Variants in PTGES3L observed in about 807,000 individuals in gnomAD.
PTGES3L encodes the protein prostaglandin E synthase 3 like, also known as putative protein PTGES3L.
In PTGES3L, 17 loss-of-function variants were observed where a neutral mutation model predicts 25.0. The ratio of observed to expected loss-of-function variants is 0.68; its 90% CI spans 0.47 to 1.02. PTGES3L has a LOEUF of 1.02. Ranked by LOEUF, PTGES3L falls within the 50% of genes least tolerant of loss-of-function variation. The pLI, the probability that PTGES3L is intolerant of heterozygous loss-of-function variation, is 0.00. For missense variants in PTGES3L, 202 were observed against 197.5 expected, an observed-to-expected ratio of 1.02 and a Z score of -0.14; for synonymous variants, 59 against 65.7, an observed-to-expected ratio of 0.90 and a Z score of 0.50.
intron 4 of PTGES3L, among the ~76,000 whole-genome samples, chr17:42,973,594 C>T (rs1314763818): frequency 1.3e-5 from 2 of 151,298 alleles, no homozygotes; most frequent in Admixed American, 6.6e-5. Context: ...GGATGGTTGC[C>T]GTGTCTGTGT....
rs1229741495 is a variant in PTGES3L at position 42,968,869 on chromosome 17, A to G, written c.*279T>C. 2.5e-6 allele frequency: 1 copy of G among 400,722 alleles called. No individual in the cohort carries two copies. Among genetic ancestry groups the G allele is most frequent in the African/African-American group, 2.0e-5 (1 of 49,828 alleles). The allele number at this position is 400,722 out of a possible 1,614,324, so 24.8% of individuals were successfully genotyped here. A position where few individuals can be genotyped will look rare whatever the true frequency, so the allele number is the denominator to read the frequency against. On this transcript the variant is annotated 3_prime_UTR_variant, in exon 7 of 7. Transcript: ENST00000591916. ...ATACACACACATACTCAAATAATCAAGTGGCCTAAACACAGAGATTAGAAA... is the reference window on the plus strand; with the variant it reads ...ATACACACACATACTCAAATAATCAGGTGGCCTAAACACAGAGATTAGAAA...
chr17:42,969,191 G>T lies in PTGES3L; in HGVS notation c.433-5C>A, dbSNP rs200866171. The T allele has an allele frequency of 2.9e-4, 174 of 604,844 alleles. 1 individual carries two copies. Among genetic ancestry groups the T allele is most frequent in the African/African-American group, 7.4e-4 (14 of 18,808 alleles). The allele number at this position is 604,844 out of a possible 1,614,324, so 37.5% of individuals were successfully genotyped here. On this transcript the variant is annotated splice_polypyrimidine_tract_variant and splice_region_variant and intron_variant, in intron 6 of 6. Transcript: ENST00000591916. ...ATCAGCACTGTCAGAATCATCCTGG[G>T]GGCGGGGGGGAAAAAAGACAAAGCA...
rs182132049 is a variant in PTGES3L, at chr17:42,969,085, C to T, written c.*63G>A. Reference sequence around the variant, plus strand: ...CAAAGCGCTGACAAAGGCCTAGGCGCTAGCTTTCTAGAACAACTGGAAAAT... The same window carrying T: ...CAAAGCGCTGACAAAGGCCTAGGCGTTAGCTTTCTAGAACAACTGGAAAAT... On this transcript the variant is annotated 3_prime_UTR_variant, in exon 7 of 7. Coordinates refer to ENST00000591916, the MANE Select transcript of PTGES3L (RefSeq NM_001261430.2). 6.2e-4 allele frequency: 815 copies of T among 1,307,002 alleles called. 3 individuals are homozygous for T. The highest frequency in any genetic ancestry group is 2.2e-3 in the Middle Eastern group (12 of 5,510). 81.0% of individuals were successfully genotyped at this position (1,307,002 alleles called of 1,614,324 possible). A position where few individuals can be genotyped will look rare whatever the true frequency, so the allele number is the denominator to read the frequency against.
chr17:42,973,802 C>G (rs994535162), intron 4 of PTGES3L, among the ~76,000 whole-genome samples: 78 of 147,568 alleles, frequency 5.3e-4, no homozygotes, highest in African/African-American at 1.9e-3. Flanking sequence ...GCAGCATGCT[C>G]GTTAAGAGTC....
At position 42,970,674 on chromosome 17, in the gene PTGES3L, G is replaced by GCACACACA. The variant is rs1482998381; in HGVS notation, c.379-333_379-332insTGTGTGTG. On this transcript the variant is annotated intron_variant, in intron 5 of 6. Transcript: ENST00000591916. The stretch of plus-strand genomic sequence containing the variant: ...CCCATGAAGTTGTCTGGCTTAACAC[G>GCACACACA]CGCACACACACACACACACACACAC... 4.7e-3 allele frequency among the ~76,000 whole-genome samples: 492 copies of GCACACACA among 105,686 alleles called. 10 individuals are homozygous for GCACACACA. Among genetic ancestry groups the GCACACACA allele is most frequent in the African/African-American group, 0.015 (459 of 30,626 alleles). 69.3% of individuals were successfully genotyped at this position (105,686 alleles called of 152,430 possible).
chr17:42,973,595 G>A (rs945447380), intron 4 of PTGES3L, among the ~76,000 whole-genome samples: 17 of 151,574 alleles, frequency 1.1e-4, no homozygotes, highest in Non-Finnish European at 1.6e-4. Context: ...GATGGTTGCC[G>A]TGTCTGTGTA....
intron 6 of PTGES3L, 104 bp downstream of exon 6, chr17:42,970,185 C>T: frequency 1.5e-6 from 2 of 1,374,076 alleles, no homozygotes; most frequent in Non-Finnish European, 2.0e-6. Context: ...GGTTAACAGG[C>T]ACTGAGAACT....
chr17:42,979,479 A>T, intron 2 of PTGES3L, 35 bp from the exon 3 acceptor site: 1 of 1,614,028 alleles, frequency 6.2e-7, no homozygotes, highest in Non-Finnish European at 8.5e-7. Context: ...GATGCGGAAT[A>T]CTCCGTGTGG....
chr17:42,969,201 G>GAC lies in PTGES3L; in HGVS notation c.433-16_433-15insGT. On this transcript the variant is annotated splice_polypyrimidine_tract_variant and intron_variant, in intron 6 of 6. Transcript: ENST00000591916. ...TCAGAATCATCCTGGGGGCGGGGGGGAAAAAAGACAAAGCACCTGTAGACC... is the reference window on the plus strand; with the variant it reads ...TCAGAATCATCCTGGGGGCGGGGGGGACAAAAAAGACAAAGCACCTGTAGACC... 5 of 1,363,968 alleles carry GAC rather than the reference G, an allele frequency of 3.7e-6. No individual in the cohort carries two copies. Among genetic ancestry groups the GAC allele is most frequent in the South Asian group, 1.3e-5 (1 of 78,568 alleles). The allele number at this position is 1,363,968 out of a possible 1,614,324, so 84.5% of individuals were successfully genotyped here.
At chr17:42,974,933 G>C (rs539836094) in intron 4 of PTGES3L, among the ~76,000 whole-genome samples, 2 of 151,670 alleles carry the variant, frequency 1.3e-5, no homozygotes, top group East Asian at 3.9e-4. Flanking sequence ...CCAGGGGTTC[G>C]AGACCAGCCT....
intron 4 of PTGES3L, among the ~76,000 whole-genome samples, chr17:42,973,988 A>T (rs2049907036): frequency 3.3e-5 from 1 of 29,854 alleles, no homozygotes; most frequent in Admixed American, 6.1e-4. Context: ...AAGAATTATC[A>T]ATAAAAAAAT....
At chr17:42,978,589 C>A (rs2050006296) in intron 4 of PTGES3L, among the ~76,000 whole-genome samples, 1 of 152,150 alleles carries the variant, frequency 6.6e-6, no homozygotes, top group Non-Finnish European at 1.5e-5. Flanking sequence ...GGACAAATAG[C>A]TAATGTATGC....
At chr17:42,978,268 G>T (rs1422016771) in intron 4 of PTGES3L, among the ~76,000 whole-genome samples, 1 of 151,816 alleles carries the variant, frequency 6.6e-6, no homozygotes, top group African/African-American at 2.4e-5. Context: ...TTAGCCAGGC[G>T]TGGGGGCACA....
rs781127704 is a variant in PTGES3L, at chr17:42,979,377, C to G, written c.189+1G>C. ...ACCTTACTGTCCCATTTCACCCTTA[C>G]CTTGGAGTTCACTTTGGCATAGAAC... On this transcript the variant is annotated splice_donor_variant, in intron 3 of 6. Transcript: ENST00000591916. LOFTEE classifies it high-confidence loss of function. 61 of 1,614,050 alleles carry G rather than the reference C, an allele frequency of 3.8e-5. No individual in the cohort carries two copies. The South Asian group carries it at 6.7e-4, about 18-fold the overall frequency.
At chr17:42,978,077 C>CAAAAAAAAAA (rs368420097) in intron 4 of PTGES3L, among the ~76,000 whole-genome samples, 61 of 47,118 alleles carry the variant, frequency 1.3e-3, no homozygotes, top group Admixed American at 3.5e-3. Context: ...AACTCCGAAT[C>CAAAAAAAAAA]AAAAAAAAAA....
chr17:42,971,200 TGA>T (rs2049830227), intron 5 of PTGES3L, among the ~76,000 whole-genome samples: 1 of 151,480 alleles, frequency 6.6e-6, no homozygotes, highest in Non-Finnish European at 1.5e-5. Flanking sequence ...CTCAGGAGGA[TGA>T]GACAAAATTG....
At chr17:42,971,860 C>T in intron 4 of PTGES3L, 164 bp from the exon 5 acceptor site, 1 of 614,932 alleles carries the variant, frequency 1.6e-6, no homozygotes, top group Non-Finnish European at 2.8e-6. Flanking sequence ...AATCTACACA[C>T]AAAGCTAGGC....
Position 42,975,135 on chromosome 17 carries a change from C to A in PTGES3L, c.289-3439G>T, listed in dbSNP as rs533135256. ...TGAGTAACAGTACGACATCCTGTCT[C>A]AAAAAAAAAAAAAAAAAAAAAGGTC... On this transcript the variant is annotated intron_variant, in intron 4 of 6. Transcript: ENST00000591916. Among the ~76,000 whole-genome samples, 848 of 96,962 alleles carry A rather than the reference C, an allele frequency of 8.7e-3. 5 individuals are homozygous for A. The highest frequency in any genetic ancestry group is 0.022 in the African/African-American group (522 of 24,256). The allele number at this position is 96,962 out of a possible 152,430, so 63.6% of individuals were successfully genotyped here.
At position 42,979,154 on chromosome 17, in the gene PTGES3L, C is replaced by T; in HGVS notation, c.288+16G>A. 1 of 1,614,148 alleles carries T rather than the reference C, an allele frequency of 6.2e-7. No homozygotes were observed. The highest frequency in any genetic ancestry group is 8.5e-7 in the Non-Finnish European group (1 of 1,180,008). ...GTACATGGAGAGAAGAAGCAGGCCA[C>T]TTTCCACACACCCACCTTGATATCC... On this transcript the variant is annotated intron_variant, in intron 4 of 6. Coordinates refer to ENST00000591916, the MANE Select transcript of PTGES3L (RefSeq NM_001261430.2).
Sources: allele counts gnomAD v4.1 joint callset (sites outside exome capture counted in the v4.1 genomes callset), GRCh38; gene constraint gnomAD v4.1.1; transcripts MANE v1.5; gene names NCBI Gene and HGNC (gene_info 2026-07-23, HGNC 2026-07-21).